Variants in WASHC2A observed in about 807,000 individuals in gnomAD.
WASHC2A encodes WASH complex subunit 2A.
In WASHC2A, 82 loss-of-function variants were observed where a neutral mutation model predicts 140.3. The ratio of observed to expected loss-of-function variants is 0.58; its 90% CI spans 0.49 to 0.70. The LOEUF (loss-of-function observed/expected upper bound fraction) is 0.70. Ranked by LOEUF, WASHC2A falls within the 30% of genes least tolerant of loss-of-function variation. The pLI is 0.00. For synonymous variants in WASHC2A, 340 were observed against 560.8 expected (o/e 0.61, Z 5.56); for missense variants, 985 against 1,521.8 (o/e 0.65, Z 5.87).
Position 50,069,540 on chromosome 10 carries a change from A to T in WASHC2A, c.127-7A>T. 2 of 1,610,564 alleles carry T rather than the reference A, an allele frequency of 1.2e-6. No homozygotes were observed. The highest frequency in any genetic ancestry group is 1.7e-6 in the Non-Finnish European group (2 of 1,178,664). On this transcript the variant is annotated splice_polypyrimidine_tract_variant and splice_region_variant and intron_variant, in intron 2 of 30. Transcript: ENST00000282633. ...TGATACTACTGTATGTTTATTTTTT[A>T]AAATAGCTACTACAGTTTCTACAGG...
chr10:50,073,143 C>T (rs1443935701), intron 3 of WASHC2A, among the ~76,000 whole-genome samples: 1 of 152,056 alleles, frequency 6.6e-6, no homozygotes, highest in East Asian at 1.9e-4. Flanking sequence ...ATTCTAAAGC[C>T]TTAATTATCT....
Position 50,133,408 on chromosome 10 carries a change from T to C in WASHC2A, c.*463T>C, listed in dbSNP as rs761132207. ...AATATGGGAGCAGGTTTTCACTGAA[T>C]TCTGAGGGTGCCTCTGCATGTCCTC... is the stretch of plus-strand genomic sequence containing the variant. On this transcript the variant is annotated 3_prime_UTR_variant, in exon 31 of 31. Transcript: ENST00000282633. The C allele has an allele frequency of 0.03, 14,288 of 471,780 alleles. 291 individuals carry two copies. The highest frequency in any genetic ancestry group is 0.075 in the African/African-American group (3,787 of 50,220). The allele number at this position is 471,780 out of a possible 1,614,324, so 29.2% of individuals were successfully genotyped here.
intron 19 of WASHC2A, among the ~76,000 whole-genome samples, chr10:50,107,297 A>G (rs1193126382): frequency 2.3e-5 from 3 of 127,864 alleles, no homozygotes; most frequent in Non-Finnish European, 5.0e-5. Flanking sequence ...GGAGTTACCT[A>G]TTGAGGTTAA....
At chr10:50,076,144 T>G (rs1248472520) in intron 3 of WASHC2A, among the ~76,000 whole-genome samples, 37 of 152,090 alleles carry the variant, frequency 2.4e-4, no homozygotes, top group African/African-American at 8.7e-4. Flanking sequence ...CAGGCTGGTC[T>G]CAAACTCCTG....
Position 50,105,120 on chromosome 10 carries a change from C to G in WASHC2A, c.1737+977C>G, listed in dbSNP as rs1238213297. On this transcript the variant is annotated intron_variant, in intron 18 of 30. Coordinates refer to ENST00000282633, the MANE Select transcript of WASHC2A (RefSeq NM_001005751.3). ...GTCTAGAGGATGGATCAACATATAC[C>G]CAATGACCTACAAGAATGTTTTGGA... Among the ~76,000 whole-genome samples the G allele has an allele frequency of 2.0e-5, 3 of 151,890 alleles. No individual in the cohort carries two copies. In the East Asian group the frequency reaches 5.8e-4, roughly 29 times the overall value.
intron 18 of WASHC2A, 77 bp from the exon 19 acceptor site, chr10:50,106,257 T>TA (rs1478315458): frequency 8.5e-7 from 1 of 1,178,698 alleles, no homozygotes; most frequent in East Asian, 2.3e-5. Flanking sequence ...CTTACTTCCT[T>TA]AAAGTTTGAT....
intron 20 of WASHC2A, chr10:50,112,036 A>G: frequency 1.0e-6 from 1 of 985,384 alleles, no homozygotes; most frequent in Non-Finnish European, 1.2e-6. Flanking sequence ...TCAAAAAAAA[A>G]GGCCTTTCCT....
Position 50,095,024 on chromosome 10 carries a change from A to T in WASHC2A, c.1181-124A>T. 3.2e-6 allele frequency: 5 copies of T among 1,560,746 alleles called. No individual in the cohort carries two copies. The South Asian group carries it at 5.9e-5, about 18-fold the overall frequency. On this transcript the variant is annotated intron_variant, in intron 13 of 30. Transcript: ENST00000282633. ...TAAAGAATTTTAAAATGACTTGTTC[A>T]GGAAAAAGTGGTTTCAAAAGGTCTG...
rs373751200 is a variant in WASHC2A, at chr10:50,069,628, C to T, written c.208C>T (p.Arg70Trp). ...CAAGAAACAAGTGGACGGACTAATT[C>T]GGGAAACCAAAGCCACAGATTGTCG... ...EIKKQVDGLI[R>W]ETKATDCRLH... Residue 70 changes from arginine to tryptophan, a missense_variant, in exon 3 of 31, where the codon CGG becomes TGG. Coordinates refer to ENST00000282633, the MANE Select transcript of WASHC2A (RefSeq NM_001005751.3). The T allele has an allele frequency of 1.6e-5, 26 of 1,613,950 alleles. No individual in the cohort carries two copies. The East Asian group carries it at 4.7e-4, about 29-fold the overall frequency.
At chr10:50,077,441 G>A (rs2132392353) in intron 3 of WASHC2A, among the ~76,000 whole-genome samples, 1 of 152,156 alleles carries the variant, frequency 6.6e-6, no homozygotes, top group South Asian at 2.1e-4. Flanking sequence ...GGATAGGGAG[G>A]GAACTATTTT....
intron 21 of WASHC2A, among the ~76,000 whole-genome samples, chr10:50,117,607 A>G (rs1842770115): frequency 6.7e-6 from 1 of 149,208 alleles, no homozygotes. Flanking sequence ...GCAGAGAGAG[A>G]GACTCATAAT....
chr10:50,069,354 A>C (rs1224263107), intron 2 of WASHC2A, among the ~76,000 whole-genome samples, 193 bp from the exon 3 acceptor site: 1 of 151,420 alleles, frequency 6.6e-6, no homozygotes, highest in Non-Finnish European at 1.5e-5. Flanking sequence ...TGAACGCGGG[A>C]GGTGCAGTGA....
rs1277649017 is a variant in WASHC2A at position 50,112,794 on chromosome 10, G to A, written c.2040-1101G>A. ...AATTTTATGTTACTTGAAAGAAGCT[G>A]GTCACAGAAAACCACATATTGTATT... On this transcript the variant is annotated intron_variant, in intron 20 of 30. Coordinates refer to ENST00000282633, the MANE Select transcript of WASHC2A (RefSeq NM_001005751.3). 2.7e-5 allele frequency among the ~76,000 whole-genome samples: 4 copies of A among 150,926 alleles called. No individual in the cohort carries two copies. In the East Asian group the frequency reaches 7.8e-4, roughly 30 times the overall value.
chr10:50,073,433 C>A (rs1838036955), intron 3 of WASHC2A, among the ~76,000 whole-genome samples: 1 of 151,348 alleles, frequency 6.6e-6, no homozygotes, highest in Admixed American at 6.6e-5. Context: ...GGACACTAGG[C>A]ATAAATTGGT....
chr10:50,101,411 C>T (rs1325784079), intron 17 of WASHC2A, among the ~76,000 whole-genome samples: 292 of 152,368 alleles, frequency 1.9e-3, no homozygotes, highest in African/African-American at 6.9e-3. Flanking sequence ...GCACATACCA[C>T]GCTGTGCTCC....
chr10:50,124,370 C>T (rs1468999790), intron 23 of WASHC2A, among the ~76,000 whole-genome samples: 1 of 151,800 alleles, frequency 6.6e-6, no homozygotes, highest in Non-Finnish European at 1.5e-5. Context: ...TCCCAAAGTG[C>T]TGGGATTACA....
At chr10:50,079,157 CT>C (rs1838656249) in intron 4 of WASHC2A, among the ~76,000 whole-genome samples, 1 of 150,320 alleles carries the variant, frequency 6.7e-6, no homozygotes, top group Non-Finnish European at 1.5e-5. Context: ...GCAGAGATTT[CT>C]TTTTCTTCCA....
chr10:50,124,081 GTTT>G (rs1259297443), intron 23 of WASHC2A, among the ~76,000 whole-genome samples: 1 of 150,492 alleles, frequency 6.6e-6, no homozygotes, highest in Admixed American at 6.6e-5. Flanking sequence ...TTTTTCATTA[GTTT>G]TTTTGGTTTT....
At chr10:50,100,159 C>G in intron 17 of WASHC2A, 95 bp downstream of exon 17, 3 of 1,439,026 alleles carry the variant, frequency 2.1e-6, no homozygotes, top group Non-Finnish European at 2.9e-6. Flanking sequence ...AGTTATAAGA[C>G]TTTTTGTTAA....
Sources: gnomAD v4.1 joint callset for allele counts (sites outside exome capture counted in the v4.1 genomes callset) on GRCh38, gnomAD v4.1.1 for gene constraint, MANE v1.5 for transcripts, NCBI Gene and HGNC (gene_info 2026-07-23, HGNC 2026-07-21) for gene names.